NEGR1: variants seen among roughly 807,000 people sequenced by gnomAD.
The protein encoded by NEGR1 is neuronal growth regulator 1, also known as IgLON family member 4.
NEGR1 carries 10 observed loss-of-function variants against 40.9 expected under a neutral mutation model. The ratio of observed to expected loss-of-function variants is 0.24; its 90% CI spans 0.15 to 0.42. NEGR1 has a LOEUF of 0.42. Ranked by LOEUF, NEGR1 falls within the 10% of genes least tolerant of loss-of-function variation. NEGR1 has a pLI of 1.00. For synonymous variants in NEGR1, 185 were observed against 166.8 expected (o/e 1.11, Z -0.84); for missense variants, 352 against 438.9 (o/e 0.80, Z 1.77).
intron 1 of NEGR1, among the ~76,000 whole-genome samples, chr1:72,151,100 C>T (rs57857000): frequency 1.3e-3 from 194 of 151,816 alleles, no homozygotes; most frequent in African/African-American, 4.3e-3. Flanking sequence ...TAACAAATTT[C>T]GAGGAGGAAT....
intron 3 of NEGR1, among the ~76,000 whole-genome samples, chr1:71,718,649 A>T (rs757641166): frequency 2.0e-5 from 3 of 152,196 alleles, no homozygotes; most frequent in Non-Finnish European, 4.4e-5. Context: ...CAAAGTTTAA[A>T]TATGTTTTTA....
intron 6 of NEGR1, among the ~76,000 whole-genome samples, chr1:71,425,320 A>C (rs1451493232): frequency 6.6e-6 from 1 of 152,182 alleles, no homozygotes; most frequent in African/African-American, 2.4e-5. Context: ...GTCTATCTTT[A>C]ATTTGAGTTT....
chr1:72,146,686 T>A (rs1570039484), intron 1 of NEGR1, among the ~76,000 whole-genome samples: 1 of 152,194 alleles, frequency 6.6e-6, no homozygotes, highest in East Asian at 1.9e-4. Context: ...TTTACATATA[T>A]GCAAATATAC....
chr1:71,662,640 T>C (rs1410759626), intron 4 of NEGR1, among the ~76,000 whole-genome samples: 5 of 151,878 alleles, frequency 3.3e-5, no homozygotes, highest in Admixed American at 3.3e-4. Flanking sequence ...CAGAAAATTA[T>C]AACACAAATG....
At chr1:71,444,356 A>C (rs558796948) in intron 6 of NEGR1, among the ~76,000 whole-genome samples, 13 of 152,294 alleles carry the variant, frequency 8.5e-5, no homozygotes, top group African/African-American at 3.1e-4. Context: ...TACTTAAATG[A>C]ATGGGCATGG....
intron 2 of NEGR1, among the ~76,000 whole-genome samples, chr1:71,910,286 TA>T (rs1661390689): frequency 6.6e-6 from 1 of 152,168 alleles, no homozygotes; most frequent in Admixed American, 6.5e-5. Flanking sequence ...GCAACTGTTG[TA>T]AAAATATGGA....
intron 1 of NEGR1, among the ~76,000 whole-genome samples, chr1:72,143,914 A>AATATATATATATATATATAT (rs61582804): frequency 6.9e-5 from 9 of 130,612 alleles, no homozygotes; most frequent in African/African-American, 2.7e-4. Context: ...TGATATATAT[A>AATATATATATATATATATAT]ATATATATAT....
At chr1:71,960,603 A>G (rs1646156937) in intron 1 of NEGR1, among the ~76,000 whole-genome samples, 1 of 152,072 alleles carries the variant, frequency 6.6e-6, no homozygotes. Flanking sequence ...CAAATTAATT[A>G]TTTTACTGTT....
chr1:71,986,738 G>T (rs574072461), intron 1 of NEGR1, among the ~76,000 whole-genome samples: 1 of 152,290 alleles, frequency 6.6e-6, no homozygotes, highest in East Asian at 1.9e-4. Flanking sequence ...CCAGCCACAG[G>T]TGGCTTCACC....
chr1:71,844,553 C>G (rs891074314), intron 2 of NEGR1, among the ~76,000 whole-genome samples: 2 of 152,190 alleles, frequency 1.3e-5, no homozygotes, highest in Non-Finnish European at 2.9e-5. Context: ...TTGTAGGAAA[C>G]TACAATCCTG....
At chr1:71,480,522 A>G (rs1646848014) in intron 6 of NEGR1, among the ~76,000 whole-genome samples, 1 of 151,840 alleles carries the variant, frequency 6.6e-6, no homozygotes, top group Non-Finnish European at 1.5e-5. Flanking sequence ...AGGGAGCTCC[A>G]TGAGGGCATG....
intron 6 of NEGR1, among the ~76,000 whole-genome samples, chr1:71,582,336 T>G (rs1461680379): frequency 6.6e-6 from 1 of 152,122 alleles, no homozygotes; most frequent in Non-Finnish European, 1.5e-5. Context: ...TCTTATAAAA[T>G]ATTTTGGAAA....
intron 1 of NEGR1, among the ~76,000 whole-genome samples, chr1:72,252,730 C>T (rs889388052): frequency 7.2e-5 from 11 of 152,066 alleles, no homozygotes; most frequent in African/African-American, 2.4e-4. Flanking sequence ...GTTTCTTGGG[C>T]ATTCCAAATT....
At chr1:71,449,193 A>G (rs768077087) in intron 6 of NEGR1, among the ~76,000 whole-genome samples, 39 of 152,212 alleles carry the variant, frequency 2.6e-4, no homozygotes, top group Non-Finnish European at 4.0e-4. Flanking sequence ...TAAGAGAGGT[A>G]TAAGAGTTAG....
At position 71,405,584 on chromosome 1, in the gene NEGR1, A is replaced by AT. The variant is rs1646273490; in HGVS notation, c.*1861dup. 6.6e-6 allele frequency: 1 copy of AT among 151,940 alleles called. No homozygotes were observed. 9.4% of individuals were successfully genotyped at this position (151,940 alleles called of 1,614,324 possible). A position where few individuals can be genotyped will look rare whatever the true frequency, so the allele number is the denominator to read the frequency against. On this transcript the variant is annotated 3_prime_UTR_variant, in exon 7 of 7. Coordinates refer to ENST00000357731, the MANE Select transcript of NEGR1 (RefSeq NM_173808.3). ...AGTAGATTTACTAGCTTTATGCCTT[A>AT]TTATTGCCATTTTGTGGAAAGAGTA...
At chr1:71,812,050 C>T (rs2101763559) in intron 2 of NEGR1, among the ~76,000 whole-genome samples, 1 of 152,014 alleles carries the variant, frequency 6.6e-6, no homozygotes, top group Non-Finnish European at 1.5e-5. Flanking sequence ...GCTCTTCCTC[C>T]TGCTATCCCC....
chr1:71,898,425 C>G (rs993057348), intron 2 of NEGR1, among the ~76,000 whole-genome samples: 1 of 152,098 alleles, frequency 6.6e-6, no homozygotes, highest in Admixed American at 6.5e-5. Context: ...ACTATCCTGG[C>G]TAACACATTG....
rs139757857 is a variant in NEGR1 at position 71,779,756 on chromosome 1, A to C, written c.410-3459T>G. Among the ~76,000 whole-genome samples the C allele has an allele frequency of 7.3e-4, 111 of 151,912 alleles. 1 individual carries two copies. In the Middle Eastern group the frequency reaches 0.01, roughly 14 times the overall value. ...CTAATTTTCATATTTTTTAATAGAGATGGGGTTTTGCCACATTGGCCAGGC... is the reference window on the plus strand; with the variant it reads ...CTAATTTTCATATTTTTTAATAGAGCTGGGGTTTTGCCACATTGGCCAGGC... On this transcript the variant is annotated intron_variant, in intron 2 of 6. Coordinates refer to ENST00000357731, the MANE Select transcript of NEGR1 (RefSeq NM_173808.3).
At chr1:71,442,238 T>C (rs1646551992) in intron 6 of NEGR1, among the ~76,000 whole-genome samples, 1 of 150,320 alleles carries the variant, frequency 6.7e-6, no homozygotes, top group African/African-American at 2.4e-5. Flanking sequence ...TTTTTTTTTT[T>C]TTTTTTTTTT....
Sources: allele counts gnomAD v4.1 joint callset (sites outside exome capture counted in the v4.1 genomes callset), GRCh38; gene constraint gnomAD v4.1.1; transcripts MANE v1.5; gene names NCBI Gene and HGNC (gene_info 2026-07-23, HGNC 2026-07-21).